ARHGEF37: variants seen among roughly 807,000 people sequenced by gnomAD.
The protein encoded by ARHGEF37 is Rho guanine nucleotide exchange factor 37.
In ARHGEF37, 55 loss-of-function variants were observed where a neutral mutation model predicts 71.1. The observed-to-expected ratio is 0.77, with a 90% CI of 0.62 to 0.97. The LOEUF is 0.97. Among genes scored for constraint, ARHGEF37 ranks in the 50% least tolerant of loss-of-function variants. The pLI, the probability that ARHGEF37 is intolerant of heterozygous loss-of-function variation, is 0.00. For missense variants in ARHGEF37, 765 were observed against 836.8 expected, an observed-to-expected ratio of 0.91 and a Z score of 1.06; for synonymous variants, 327 against 350.6, an observed-to-expected ratio of 0.93 and a Z score of 0.75.
chr5:149,594,724 G>A (rs1038111116), intron 1 of ARHGEF37, among the ~76,000 whole-genome samples: 2 of 152,146 alleles, frequency 1.3e-5, no homozygotes, highest in Middle Eastern at 6.3e-3. Context: ...CATGGGATCT[G>A]TGCCATTTTA....
chr5:149,614,068 GT>G (rs200551015), intron 4 of ARHGEF37, among the ~76,000 whole-genome samples: 2 of 151,620 alleles, frequency 1.3e-5, no homozygotes, highest in Non-Finnish European at 1.5e-5. Flanking sequence ...CCAGCACAGT[GT>G]TTTTTTTAAT....
intron 1 of ARHGEF37, among the ~76,000 whole-genome samples, chr5:149,566,697 T>A (rs1762904413): frequency 6.6e-6 from 1 of 152,214 alleles, no homozygotes; most frequent in South Asian, 2.1e-4. Context: ...ACATGAAATT[T>A]CAAGTTCACT....
At chr5:149,593,424 T>C (rs894035497) in intron 1 of ARHGEF37, among the ~76,000 whole-genome samples, 6 of 152,250 alleles carry the variant, frequency 3.9e-5, no homozygotes, top group African/African-American at 1.4e-4. Context: ...TAATAAAATA[T>C]GTGACCCTTT....
At chr5:149,602,927 C>CA (rs1162984873) in intron 3 of ARHGEF37, among the ~76,000 whole-genome samples, 1 of 151,372 alleles carries the variant, frequency 6.6e-6, no homozygotes, top group Non-Finnish European at 1.5e-5. Flanking sequence ...AACAAATATG[C>CA]AAAAAAAAGT....
At chr5:149,568,938 A>G (rs1193036380) in intron 1 of ARHGEF37, among the ~76,000 whole-genome samples, 1 of 150,886 alleles carries the variant, frequency 6.6e-6, no homozygotes, top group Non-Finnish European at 1.5e-5. Flanking sequence ...TTTATCATAG[A>G]TTTGTTTTCC....
At chr5:149,591,226 C>CA (rs113486514) in intron 1 of ARHGEF37, among the ~76,000 whole-genome samples, 11,732 of 143,100 alleles carry the variant, frequency 0.082, 649 homozygotes, top group East Asian at 0.31. Flanking sequence ...TGTTCCATCT[C>CA]AAAAAAAAAA....
intron 4 of ARHGEF37, among the ~76,000 whole-genome samples, chr5:149,612,021 C>G (rs1372794672): frequency 6.6e-6 from 1 of 151,238 alleles, no homozygotes; most frequent in African/African-American, 2.5e-5. Flanking sequence ...TATAAGGAAG[C>G]CATCAGATGC....
intron 1 of ARHGEF37, among the ~76,000 whole-genome samples, chr5:149,555,512 G>A (rs1253092436): frequency 6.7e-6 from 1 of 149,880 alleles, no homozygotes; most frequent in Non-Finnish European, 1.5e-5. Flanking sequence ...ATAGTGTCTT[G>A]CCTTGTTGCC....
chr5:149,625,701 A>G (rs1276015480), intron 10 of ARHGEF37, among the ~76,000 whole-genome samples: 1 of 152,196 alleles, frequency 6.6e-6, no homozygotes, highest in African/African-American at 2.4e-5. Context: ...GCACGGGTGC[A>G]GAGGATAAAC....
chr5:149,618,361 C>T, intron 6 of ARHGEF37, 55 bp downstream of exon 6: 1 of 1,610,736 alleles, frequency 6.2e-7, no homozygotes, highest in Non-Finnish European at 8.5e-7. Context: ...AGGCCAGGCC[C>T]TGCACAGTGG....
At chr5:149,566,458 A>T (rs1250920520) in intron 1 of ARHGEF37, among the ~76,000 whole-genome samples, 1 of 152,008 alleles carries the variant, frequency 6.6e-6, no homozygotes, top group East Asian at 1.9e-4. Flanking sequence ...AGATTGTGCC[A>T]CTGAACTCCA....
chr5:149,585,519 A>C (rs766300986), intron 1 of ARHGEF37, among the ~76,000 whole-genome samples: 3 of 152,066 alleles, frequency 2.0e-5, no homozygotes, highest in Non-Finnish European at 4.4e-5. Flanking sequence ...ATACTGTATT[A>C]TTTATTTATT....
intron 1 of ARHGEF37, chr5:149,552,212 C>A (rs1183737689): frequency 8.1e-6 from 1 of 123,948 alleles, no homozygotes; most frequent in Non-Finnish European, 1.6e-5. Flanking sequence ...GTCCCCTCAA[C>A]CCCACCAAAA....
At chr5:149,556,294 A>G (rs1218532465) in intron 1 of ARHGEF37, among the ~76,000 whole-genome samples, 1 of 152,184 alleles carries the variant, frequency 6.6e-6, no homozygotes, top group African/African-American at 2.4e-5. Context: ...CCCGGGTGCA[A>G]GTGATTCTCC....
intron 10 of ARHGEF37, among the ~76,000 whole-genome samples, chr5:149,626,517 G>T (rs1363099520): frequency 6.6e-6 from 1 of 152,182 alleles, no homozygotes; most frequent in Non-Finnish European, 1.5e-5. Flanking sequence ...ACTCTCTCCT[G>T]TATTTCTACT....
At chr5:149,584,101 C>T (rs995013185) in intron 1 of ARHGEF37, among the ~76,000 whole-genome samples, 2 of 152,134 alleles carry the variant, frequency 1.3e-5, no homozygotes, top group Admixed American at 1.3e-4. Context: ...TCTTAATTCC[C>T]TAATACTGGA....
chr5:149,556,073 A>G (rs535161637), intron 1 of ARHGEF37, among the ~76,000 whole-genome samples: 22 of 152,384 alleles, frequency 1.4e-4, no homozygotes, highest in African/African-American at 5.0e-4. Flanking sequence ...GACAAGCACA[A>G]GAAGTCTAGA....
chr5:149,628,873 G>T lies in ARHGEF37; in HGVS notation c.1725G>T (p.Glu575Asp). The stretch of plus-strand genomic sequence containing the variant: ...ACCATGTGGTCCCCAGTGCAGAGGA[G>T]CTCAGAAGGCAGGCGGGGCTGAACA... Reference protein sequence around the residue: ...QLYHVVPSAEELRRQAGLNKD... With the variant: ...QLYHVVPSAEDLRRQAGLNKD... The change falls in exon 12 of 13, where the codon GAG becomes GAT. Residue 575 changes from glutamate to aspartate, a missense_variant. This residue lies in a region of ARHGEF37 where 390 missense variants were observed against 407.4 expected (regional missense o/e 0.96). Coordinates refer to ENST00000333677, the MANE Select transcript of ARHGEF37 (RefSeq NM_001001669.3). 6.2e-7 allele frequency: 1 copy of T among 1,613,836 alleles called. No homozygotes were observed. The highest frequency in any genetic ancestry group is 8.5e-7 in the Non-Finnish European group (1 of 1,180,014).
rs373387739 is a variant in ARHGEF37, at chr5:149,601,117, G to A, written c.196G>A (p.Gly66Arg). 13 of 1,610,584 alleles carry A rather than the reference G, an allele frequency of 8.1e-6. No homozygotes were observed. The highest frequency in any genetic ancestry group is 1.1e-5 in the Non-Finnish European group (13 of 1,177,416). The change falls in exon 3 of 13, where the codon GGA becomes AGA. Residue 66 changes from glycine to arginine, a missense_variant. By Grantham distance (125) the Gly-to-Arg change is moderately radical. This residue lies in a region of ARHGEF37 where 201 missense variants were observed against 217.5 expected (regional missense o/e 0.92). Transcript: ENST00000333677. ...TCTTTGTTCCTTCCAGTTGCCGCAGGGAGATCTGGATGTCCTGTTCTCAAA... is the reference window on the plus strand; with the variant it reads ...TCTTTGTTCCTTCCAGTTGCCGCAGAGAGATCTGGATGTCCTGTTCTCAAA... ...IRSRLQQLPQ[G>R]DLDVLFSNID...
Sources: allele counts gnomAD v4.1 joint callset (sites outside exome capture counted in the v4.1 genomes callset), GRCh38; gene constraint gnomAD v4.1.1; regional missense constraint gnomAD v4.1.1; transcripts MANE v1.5; gene names NCBI Gene and HGNC (gene_info 2026-07-23, HGNC 2026-07-21).